Variants in ZNF787 observed in about 807,000 individuals in gnomAD.
ZNF787 encodes zinc finger protein 787.
In ZNF787, 7 loss-of-function variants were observed where a neutral mutation model predicts 16.9. The observed-to-expected ratio is 0.42, with a 90% CI of 0.24 to 0.78. ZNF787 has a LOEUF of 0.78. Among genes scored for constraint, ZNF787 ranks in the 30% least tolerant of loss-of-function variants. The pLI, the probability that ZNF787 is intolerant of heterozygous loss-of-function variation, is 0.30. For missense variants in ZNF787, 551 were observed against 589.3 expected, an observed-to-expected ratio of 0.94 and a Z score of 0.67; for synonymous variants, 345 against 270.9, an observed-to-expected ratio of 1.27 and a Z score of -2.69.
At chr19:56,091,574 C>T (rs186652620) in intron 2 of ZNF787, among the ~76,000 whole-genome samples, 75 of 152,310 alleles carry the variant, frequency 4.9e-4, no homozygotes, top group Non-Finnish European at 9.8e-4. Context: ...CATGGAGGGG[C>T]TCCTTCCTCT....
intron 2 of ZNF787, among the ~76,000 whole-genome samples, chr19:56,090,190 C>T (rs975035990): frequency 6.6e-6 from 1 of 152,194 alleles, no homozygotes; most frequent in African/African-American, 2.4e-5. Context: ...CCAGATGCCA[C>T]GCTGGCAAAC....
rs1042633623 is a variant in ZNF787 at position 56,087,761 on chromosome 19, G to C, written c.*262C>G. 11 of 414,880 alleles carry C rather than the reference G, an allele frequency of 2.7e-5. No homozygotes were observed. The highest frequency in any genetic ancestry group is 5.1e-5 in the Admixed American group (1 of 19,646). 25.7% of individuals were successfully genotyped at this position (414,880 alleles called of 1,614,324 possible). A position where few individuals can be genotyped will look rare whatever the true frequency, so the allele number is the denominator to read the frequency against. On this transcript the variant is annotated 3_prime_UTR_variant, in exon 3 of 3. Coordinates refer to ENST00000610935, the MANE Select transcript of ZNF787 (RefSeq NM_001002836.4). Reference sequence around the variant, plus strand: ...CTCGGCCTCTGCAGTTCTCTCCATTGTCTCTCCGGCTCGCAGGCCGATAAC... The same window carrying C: ...CTCGGCCTCTGCAGTTCTCTCCATTCTCTCTCCGGCTCGCAGGCCGATAAC...
At chr19:56,107,503 C>T (rs996898815) in intron 1 of ZNF787, among the ~76,000 whole-genome samples, 2 of 134,012 alleles carry the variant, frequency 1.5e-5, no homozygotes, top group East Asian at 3.9e-4. Context: ...GACACGGGGT[C>T]ACTGTGAGAC....
At position 56,098,816 on chromosome 19, in the gene ZNF787, G is replaced by A. The variant is rs1985977916; in HGVS notation, c.79+4323C>T. Among the ~76,000 whole-genome samples, 4 of 130,270 alleles carry A rather than the reference G, an allele frequency of 3.1e-5. No homozygotes were observed. The South Asian group carries it at 1.0e-3, about 32-fold the overall frequency. The allele number at this position is 130,270 out of a possible 152,430, so 85.5% of individuals were successfully genotyped here. On this transcript the variant is annotated intron_variant, in intron 2 of 2. Transcript: ENST00000610935. ...TACGGCCGCAGGGTGATGCTGCCCG[G>A]GTGATTACGGCCGCAGGGTGATACG...
chr19:56,097,801 G>T (rs1985926860), intron 2 of ZNF787, among the ~76,000 whole-genome samples: 1 of 152,158 alleles, frequency 6.6e-6, no homozygotes, highest in Non-Finnish European at 1.5e-5. Flanking sequence ...TGGCCCAGGG[G>T]ACACACAGCA....
rs539909016 is a variant in ZNF787, at chr19:56,118,127, T to G, written c.-11+3045A>C. ...GGCTGGTTTCTCTGCAGCTGTAAGG[T>G]GACAGCTCTGGGCTCCTGGGACAGG... On this transcript the variant is annotated intron_variant, in intron 1 of 2. Transcript: ENST00000610935. 1.0e-3 allele frequency among the ~76,000 whole-genome samples: 153 copies of G among 152,296 alleles called. 1 individual carries two copies. The highest frequency in any genetic ancestry group is 1.7e-3 in the Non-Finnish European group (117 of 68,024).
chr19:56,092,541 T>TA (rs1555775610), intron 2 of ZNF787, among the ~76,000 whole-genome samples: 16 of 151,436 alleles, frequency 1.1e-4, no homozygotes, highest in African/African-American at 3.9e-4. Flanking sequence ...TTTTTTTTTT[T>TA]AAGATAAAAT....
At chr19:56,110,519 TAAAA>T (rs33942141) in intron 1 of ZNF787, among the ~76,000 whole-genome samples, 1 of 147,692 alleles carries the variant, frequency 6.8e-6, no homozygotes, top group Non-Finnish European at 1.5e-5. Flanking sequence ...TAGGAAAGGT[TAAAA>T]AAAAAAAAAG....
intron 1 of ZNF787, among the ~76,000 whole-genome samples, chr19:56,110,988 G>A (rs574542052): frequency 3.3e-5 from 5 of 152,318 alleles, no homozygotes; most frequent in Admixed American, 1.3e-4. Flanking sequence ...GACCCCGGGC[G>A]GGGAGCGCTG....
intron 2 of ZNF787, among the ~76,000 whole-genome samples, chr19:56,100,863 TAGGA>T (rs1986067073): frequency 8.4e-6 from 1 of 118,534 alleles, no homozygotes; most frequent in Non-Finnish European, 1.7e-5. Flanking sequence ...CACTGTCACA[TAGGA>T]GGGACGCATG....
chr19:56,101,132 G>GACGC (rs1184426456), intron 2 of ZNF787, among the ~76,000 whole-genome samples: 1 of 144,742 alleles, frequency 6.9e-6, no homozygotes, highest in African/African-American at 2.6e-5. Flanking sequence ...ACATAGGAGG[G>GACGC]ACGCATGTAG....
At chr19:56,110,089 C>A (rs181618817) in intron 1 of ZNF787, among the ~76,000 whole-genome samples, 1 of 152,286 alleles carries the variant, frequency 6.6e-6, no homozygotes, top group Non-Finnish European at 1.5e-5. Context: ...TGGCCGGGCA[C>A]GGTGGCTCAC....
At chr19:56,100,398 G>A (rs1369110860) in intron 2 of ZNF787, among the ~76,000 whole-genome samples, 1 of 152,112 alleles carries the variant, frequency 6.6e-6, no homozygotes. Flanking sequence ...GGTGAAAGTT[G>A]CCTCCTCCCT....
chr19:56,115,871 C>T (rs978525451), intron 1 of ZNF787, among the ~76,000 whole-genome samples: 5 of 152,154 alleles, frequency 3.3e-5, no homozygotes, highest in African/African-American at 7.2e-5. Flanking sequence ...GATCCTTATG[C>T]GAAGGCTTCC....
intron 2 of ZNF787, among the ~76,000 whole-genome samples, chr19:56,099,829 C>G (rs1023950144): frequency 1.3e-5 from 2 of 152,066 alleles, no homozygotes; most frequent in African/African-American, 4.8e-5. Context: ...CCAAGACCAG[C>G]TGGGAGGCAG....
In ZNF787 at chr19:56,121,242, G is replaced by C. The variant is rs184180516; in HGVS notation, c.-81C>G. On this transcript the variant is annotated 5_prime_UTR_variant, in exon 1 of 3. Transcript: ENST00000610935. Reference sequence around the variant, plus strand: ...CTGCCTCGCGGATGGTGGCAGCGGCGGCAGCGGCGACTCAGACCCTGGGGT... The same window carrying C: ...CTGCCTCGCGGATGGTGGCAGCGGCCGCAGCGGCGACTCAGACCCTGGGGT... 7.3e-5 allele frequency: 11 copies of C among 150,058 alleles called. No homozygotes were observed. The East Asian group carries it at 2.0e-3, about 28-fold the overall frequency. The allele number at this position is 150,058 out of a possible 1,614,324, so 9.3% of individuals were successfully genotyped here.
At chr19:56,089,848 C>T (rs1482954166) in intron 2 of ZNF787, among the ~76,000 whole-genome samples, 1 of 152,204 alleles carries the variant, frequency 6.6e-6, no homozygotes, top group Non-Finnish European at 1.5e-5. Flanking sequence ...GCCTTTCACA[C>T]TTCTGCACCA....
At chr19:56,119,333 A>T (rs924681995) in intron 1 of ZNF787, among the ~76,000 whole-genome samples, 1 of 152,204 alleles carries the variant, frequency 6.6e-6, no homozygotes, top group African/African-American at 2.4e-5. Flanking sequence ...GTTTTTAGAC[A>T]ACTGAAGGGA....
intron 1 of ZNF787, among the ~76,000 whole-genome samples, chr19:56,118,458 T>C (rs999143433): frequency 5.9e-5 from 9 of 152,060 alleles, no homozygotes; most frequent in African/African-American, 2.2e-4. Flanking sequence ...AAGGGGGCGG[T>C]TGTGATGGTC....
Sources: gnomAD v4.1 joint callset for allele counts (sites outside exome capture counted in the v4.1 genomes callset) on GRCh38, gnomAD v4.1.1 for gene constraint, MANE v1.5 for transcripts, NCBI Gene and HGNC (gene_info 2026-07-23, HGNC 2026-07-21) for gene names.